The following WBP1L variants were observed in gnomAD, a reference collection of about 807,000 sequenced individuals.
WBP1L encodes WW domain binding protein 1 like, also known as WW domain binding protein 1-like.
A neutral mutation model predicts 33.7 loss-of-function variants in WBP1L; 17 were observed. The observed-to-expected ratio is 0.50, with a 90% CI of 0.34 to 0.76. The LOEUF is 0.76. Among genes scored for constraint, WBP1L ranks in the 30% least tolerant of loss-of-function variants. WBP1L has a pLI of 0.01. For synonymous variants in WBP1L, 173 were observed against 190.8 expected, an observed-to-expected ratio of 0.91 and a Z score of 0.77; for missense variants, 389 against 469.4, an observed-to-expected ratio of 0.83 and a Z score of 1.58.
intron 1 of WBP1L, among the ~76,000 whole-genome samples, chr10:102,757,101 G>T (rs1243319983): frequency 6.6e-6 from 1 of 152,018 alleles, no homozygotes; most frequent in Non-Finnish European, 1.5e-5. Flanking sequence ...TGTTGGTCAG[G>T]CTGGTCTCAA....
intron 1 of WBP1L, among the ~76,000 whole-genome samples, chr10:102,771,076 G>A (rs919029408): frequency 6.6e-6 from 1 of 152,174 alleles, no homozygotes; most frequent in East Asian, 1.9e-4. Flanking sequence ...GAGATACTTA[G>A]CATGGAGTCT....
chr10:102,756,658 A>G (rs1842981164), intron 1 of WBP1L, among the ~76,000 whole-genome samples: 1 of 152,092 alleles, frequency 6.6e-6, no homozygotes, highest in South Asian at 2.1e-4. Flanking sequence ...CAATTGTGCT[A>G]GATTCCTAAA....
At chr10:102,753,892 T>G (rs558926268) in intron 1 of WBP1L, among the ~76,000 whole-genome samples, 1 of 152,366 alleles carries the variant, frequency 6.6e-6, no homozygotes, top group Non-Finnish European at 1.5e-5. Context: ...ACAAATGTTA[T>G]GTTGTAACAC....
At chr10:102,807,878 G>A (rs1843759084) in intron 2 of WBP1L, among the ~76,000 whole-genome samples, 1 of 151,610 alleles carries the variant, frequency 6.6e-6, no homozygotes, top group South Asian at 2.1e-4. Flanking sequence ...AAAAAAGCTA[G>A]CCAAAGTAAA....
chr10:102,809,502 G>A (rs1200697892), intron 2 of WBP1L, among the ~76,000 whole-genome samples: 3 of 151,912 alleles, frequency 2.0e-5, no homozygotes, highest in Non-Finnish European at 4.4e-5. Context: ...CTCCTGAGTA[G>A]CTGGGATTAC....
At chr10:102,778,186 C>G (rs2482496) in intron 1 of WBP1L, among the ~76,000 whole-genome samples, 79,208 of 152,102 alleles carry the variant, frequency 0.52, 21,994 homozygotes, top group Non-Finnish European at 0.62. Flanking sequence ...CTTTGATCTA[C>G]TCATTCCCAA....
intron 1 of WBP1L, among the ~76,000 whole-genome samples, chr10:102,785,562 T>G (rs1435817590): frequency 6.6e-6 from 1 of 152,084 alleles, no homozygotes; most frequent in African/African-American, 2.4e-5. Context: ...CACTGGGGCT[T>G]AAGGGCCACT....
chr10:102,758,571 T>C (rs558550448), intron 1 of WBP1L, among the ~76,000 whole-genome samples: 1 of 152,310 alleles, frequency 6.6e-6, no homozygotes, highest in African/African-American at 2.4e-5. Context: ...GGTCAATTAA[T>C]GTAGGTCCAG....
intron 1 of WBP1L, among the ~76,000 whole-genome samples, chr10:102,782,344 A>G (rs945001782): frequency 1.5e-4 from 22 of 147,646 alleles, no homozygotes; most frequent in Non-Finnish European, 2.4e-4. Context: ...TGATTTTGAA[A>G]CATTATCCAG....
chr10:102,747,457 A>T (rs1029323829), intron 1 of WBP1L, among the ~76,000 whole-genome samples: 2 of 151,658 alleles, frequency 1.3e-5, no homozygotes, highest in East Asian at 1.9e-4. Flanking sequence ...TTAAATTATC[A>T]TTGAGATACA....
intron 1 of WBP1L, among the ~76,000 whole-genome samples, chr10:102,745,873 AT>A (rs569706885): frequency 6.6e-6 from 1 of 151,996 alleles, no homozygotes; most frequent in African/African-American, 2.4e-5. Context: ...GAAGAAATAT[AT>A]TTTTTTTGTT....
chr10:102,768,872 TA>T (rs1265460076), intron 1 of WBP1L, among the ~76,000 whole-genome samples: 1 of 151,572 alleles, frequency 6.6e-6, no homozygotes, highest in Non-Finnish European at 1.5e-5. Flanking sequence ...TATTTTTTAG[TA>T]GAGACGGGGT....
intron 1 of WBP1L, among the ~76,000 whole-genome samples, chr10:102,768,371 GTTTT>G (rs1192088947): frequency 2.5e-4 from 3 of 12,228 alleles, no homozygotes; most frequent in African/African-American, 1.1e-3. Flanking sequence ...TTAGTTTTTT[GTTTT>G]TTTTTTTTTT....
At chr10:102,765,126 G>T (rs1564756485) in intron 1 of WBP1L, among the ~76,000 whole-genome samples, 1 of 152,334 alleles carries the variant, frequency 6.6e-6, no homozygotes, top group East Asian at 1.9e-4. Context: ...CATGAGCTTG[G>T]AGAACATGCA....
chr10:102,747,358 C>CA (rs71019610), intron 1 of WBP1L, among the ~76,000 whole-genome samples: 1,860 of 78,452 alleles, frequency 0.024, 52 homozygotes, highest in African/African-American at 0.067. Context: ...GACTCCGTCT[C>CA]AAAAAAAAAA....
Position 102,778,464 on chromosome 10 carries a change from G to A in WBP1L, c.91-19529G>A, listed in dbSNP as rs1263421475. Among the ~76,000 whole-genome samples, 8 of 152,326 alleles carry A rather than the reference G, an allele frequency of 5.3e-5. No homozygotes were observed. The South Asian group carries it at 1.7e-3, about 32-fold the overall frequency. On this transcript the variant is annotated intron_variant, in intron 1 of 3. Transcript: ENST00000448841. ...TAGTGAGAGAATGAAGCAGTGGGTAGCATTAAACTCTTCAAGGAGAGTGAA... is the reference window on the plus strand; with the variant it reads ...TAGTGAGAGAATGAAGCAGTGGGTAACATTAAACTCTTCAAGGAGAGTGAA...
intron 3 of WBP1L, 85 bp from the exon 4 acceptor site, chr10:102,812,510 A>T: frequency 1.4e-6 from 2 of 1,449,476 alleles, no homozygotes; most frequent in Non-Finnish European, 1.8e-6. Context: ...GGGAAGAGAC[A>T]ATGCAAATAT....
Position 102,810,065 on chromosome 10 carries a change from C to T in WBP1L, c.355+11C>T. ...TGCCATTTTATTTCAGTACGTACAC[C>T]CAAGCCCCCATACCCACCCTCAGGA... On this transcript the variant is annotated intron_variant, in intron 3 of 3. Coordinates refer to ENST00000448841, the MANE Select transcript of WBP1L (RefSeq NM_001083913.2). The T allele has an allele frequency of 6.2e-7, 1 of 1,601,362 alleles. No homozygotes were observed. Among genetic ancestry groups the T allele is most frequent in the Non-Finnish European group, 8.5e-7 (1 of 1,173,958 alleles).
At position 102,813,502 on chromosome 10, in the gene WBP1L, G is replaced by C; in HGVS notation, c.*171G>C. ...TTCCTCCATCTCCAGGTACAGTTCG[G>C]GGTGTGGATGCCTCTTCCTCCACAA... On this transcript the variant is annotated 3_prime_UTR_variant, in exon 4 of 4. Transcript: ENST00000448841. The C allele has an allele frequency of 1.1e-6, 1 of 918,982 alleles. No homozygotes were observed. The allele number at this position is 918,982 out of a possible 1,614,324, so 56.9% of individuals were successfully genotyped here. A position where few individuals can be genotyped will look rare whatever the true frequency, so the allele number is the denominator to read the frequency against.
Sources: allele counts gnomAD v4.1 joint callset (sites outside exome capture counted in the v4.1 genomes callset), GRCh38; gene constraint gnomAD v4.1.1; transcripts MANE v1.5; gene names NCBI Gene and HGNC (gene_info 2026-07-23, HGNC 2026-07-21).